TAB2: variants seen among roughly 807,000 people sequenced by gnomAD.
TAB2 encodes TGF-beta-activated kinase 1 and MAP3K7-binding protein 2.
A neutral mutation model predicts 65.0 loss-of-function variants in TAB2; 3 were observed. That is an observed-to-expected ratio of 0.05 (90% CI 0.02 to 0.12). The LOEUF (loss-of-function observed/expected upper bound fraction) is 0.12. Ranked by LOEUF, TAB2 falls within the 10% of genes least tolerant of loss-of-function variation. TAB2 has a pLI of 1.00. For missense variants in TAB2, 623 were observed against 840.3 expected (o/e 0.74, Z 3.20); for synonymous variants, 298 against 285.1 (o/e 1.05, Z -0.46).
At chr6:149,306,536 C>T (rs1220049898) in intron 1 of TAB2, among the ~76,000 whole-genome samples, 2 of 138,412 alleles carry the variant, frequency 1.4e-5, no homozygotes, top group Admixed American at 7.8e-5. Context: ...CCAGCCCAGG[C>T]GACAGAGCAA....
chr6:149,376,829 T>A (rs1281117340), intron 2 of TAB2, among the ~76,000 whole-genome samples: 1 of 152,280 alleles, frequency 6.6e-6, no homozygotes, highest in African/African-American at 2.4e-5. Flanking sequence ...TCGTGGATGA[T>A]TTATGACTAC....
intron 1 of TAB2, among the ~76,000 whole-genome samples, chr6:149,311,234 C>G (rs1562409319): frequency 6.6e-6 from 1 of 152,176 alleles, no homozygotes; most frequent in Non-Finnish European, 1.5e-5. Context: ...CCTAAATATG[C>G]TCTATCTTTT....
intron 2 of TAB2, among the ~76,000 whole-genome samples, chr6:149,377,178 T>A (rs1002757205): frequency 4.0e-5 from 6 of 151,188 alleles, no homozygotes; most frequent in Admixed American, 6.6e-5. Context: ...CACGCCATTC[T>A]CCTGCCTCAG....
At chr6:149,294,717 G>A (rs1778844235) in intron 1 of TAB2, among the ~76,000 whole-genome samples, 1 of 152,098 alleles carries the variant, frequency 6.6e-6, no homozygotes, top group Admixed American at 6.5e-5. Context: ...ATTACTTTAT[G>A]AACAACTATC....
intron 1 of TAB2, among the ~76,000 whole-genome samples, chr6:149,268,843 C>T (rs1447688666): frequency 6.6e-6 from 1 of 152,144 alleles, no homozygotes; most frequent in Non-Finnish European, 1.5e-5. Context: ...GTTTATAAAA[C>T]ATACACACAG....
At chr6:149,264,507 T>C (rs560591830) in intron 1 of TAB2, among the ~76,000 whole-genome samples, 11 of 152,310 alleles carry the variant, frequency 7.2e-5, no homozygotes, top group African/African-American at 2.4e-4. Context: ...CTGGGGCACC[T>C]GTAAAATGTT....
intron 6 of TAB2, chr6:149,400,285 C>A: frequency 7.9e-7 from 1 of 1,270,448 alleles, no homozygotes; most frequent in Non-Finnish European, 1.1e-6. Flanking sequence ...TCTCCCTCAT[C>A]CACCGCTGTC....
rs186932760 is a variant in TAB2 at position 149,272,444 on chromosome 6, C to T, written c.-121+53668C>T. On this transcript the variant is annotated intron_variant, in intron 1 of 1. Transcript: ENST00000606202. The stretch of plus-strand genomic sequence containing the variant: ...GCTCTAGAAGAGAATCCACTTCTTG[C>T]CTTTTCCAACTTCTAGAGGCTGCCT... Among the ~76,000 whole-genome samples, 9 of 152,328 alleles carry T rather than the reference C, an allele frequency of 5.9e-5. No homozygotes were observed. In the East Asian group the frequency reaches 1.3e-3, roughly 23 times the overall value.
chr6:149,240,078 GC>G (rs1777569927), intron 1 of TAB2, among the ~76,000 whole-genome samples: 2 of 152,198 alleles, frequency 1.3e-5, no homozygotes, highest in African/African-American at 4.8e-5. Context: ...TGCCCAGGCT[GC>G]CCCTGCTGAA....
intron 3 of TAB2, among the ~76,000 whole-genome samples, chr6:149,388,130 T>A (rs986867932): frequency 2.0e-5 from 3 of 152,234 alleles, no homozygotes; most frequent in Admixed American, 6.5e-5. Context: ...TAAAAACAAC[T>A]AAGATTTATT....
At chr6:149,247,882 GGA>G (rs546296820) in intron 1 of TAB2, 28 of 152,278 alleles carry the variant, frequency 1.8e-4, no homozygotes, top group African/African-American at 6.5e-4. Flanking sequence ...GATACAGGGA[GGA>G]GAACATCACA....
In TAB2 at chr6:149,317,872, C is replaced by G. The variant is rs940915268; in HGVS notation, c.-233C>G. 6.0e-6 allele frequency: 1 copy of G among 165,862 alleles called. No individual in the cohort carries two copies. Among genetic ancestry groups the G allele is most frequent in the African/African-American group, 2.5e-5 (1 of 39,896 alleles). The allele number at this position is 165,862 out of a possible 1,614,324, so 10.3% of individuals were successfully genotyped here. ...GGGAGGGAGGGAGGGCTGAGGTGTC[C>G]CCCCTGCCGGGTGGAACCGGAGGCG... On this transcript the variant is annotated 5_prime_UTR_variant, in exon 1 of 7. Transcript: ENST00000637181. The surrounding 1 kb of genome is among the most constrained non-coding windows in gnomAD (Gnocchi z 4.7).
chr6:149,232,679 C>T (rs1414402344), intron 1 of TAB2, among the ~76,000 whole-genome samples: 5 of 152,208 alleles, frequency 3.3e-5, no homozygotes, highest in African/African-American at 1.2e-4. Flanking sequence ...TGGATAATAA[C>T]ACTAGGTGTA....
chr6:149,230,635 C>T (rs1239107794), intron 1 of TAB2, among the ~76,000 whole-genome samples: 2 of 152,248 alleles, frequency 1.3e-5, no homozygotes, highest in East Asian at 3.8e-4. Flanking sequence ...TGATGCTTGA[C>T]TCCAGGTCCT....
intron 3 of TAB2, among the ~76,000 whole-genome samples, chr6:149,390,565 A>G (rs1433685685): frequency 3.9e-5 from 6 of 152,224 alleles, no homozygotes. Flanking sequence ...AATTTCAAAT[A>G]AAATTGAGTA....
Position 149,273,215 on chromosome 6 carries a change from A to G in TAB2, c.-121+54439A>G, listed in dbSNP as rs558823208. Reference sequence around the variant, plus strand: ...GCCCAAAATGCCAAGGCTAAACTCAATATTAGAGGTACATAGAAAAGTCAA... The same window carrying G: ...GCCCAAAATGCCAAGGCTAAACTCAGTATTAGAGGTACATAGAAAAGTCAA... On this transcript the variant is annotated intron_variant, in intron 1 of 1. Transcript: ENST00000606202. Among the ~76,000 whole-genome samples the G allele has an allele frequency of 3.9e-5, 6 of 152,244 alleles. No individual in the cohort carries two copies. In the East Asian group the frequency reaches 7.7e-4, roughly 20 times the overall value.
chr6:149,225,780 G>A (rs1777260006), intron 1 of TAB2, among the ~76,000 whole-genome samples: 1 of 152,136 alleles, frequency 6.6e-6, no homozygotes, highest in Non-Finnish European at 1.5e-5. Flanking sequence ...GAATGAAAAT[G>A]TATGTTTTGG....
chr6:149,316,964 TC>T (rs1328493618), upstream of TAB2, among the ~76,000 whole-genome samples: 2 of 151,362 alleles, frequency 1.3e-5, no homozygotes, highest in African/African-American at 4.8e-5. Context: ...AGGGGGTGTG[TC>T]CCGGACCGCA....
chr6:149,378,767 C>T lies in TAB2; in HGVS notation c.852C>T (p.Tyr284=). The T allele has an allele frequency of 6.2e-7, 1 of 1,614,158 alleles. No individual in the cohort carries two copies. Among genetic ancestry groups the T allele is most frequent in the East Asian group, 2.2e-5 (1 of 44,886 alleles). The change falls in exon 3 of 7, where the codon TAC becomes TAT. Residue 284 remains tyrosine, a synonymous_variant. Coordinates refer to ENST00000637181, the MANE Select transcript of TAB2 (RefSeq NM_001292034.3). The part of the protein sequence containing the change: ...NQQGHQTSHV[Y]MPISSPTTSQ... ...AAGGCCACCAGACCTCTCATGTCTACATGCCAATCAGTTCACCTACTACTT... is the reference window on the plus strand; with the variant it reads ...AAGGCCACCAGACCTCTCATGTCTATATGCCAATCAGTTCACCTACTACTT...
Sources: gnomAD v4.1 joint callset for allele counts (sites outside exome capture counted in the v4.1 genomes callset) on GRCh38, gnomAD v4.1.1 for gene constraint, Gnocchi (gnomAD v3.1) non-coding constraint, MANE v1.5 for transcripts, NCBI Gene and HGNC (gene_info 2026-07-23, HGNC 2026-07-21) for gene names.